WDR19: variants seen among roughly 807,000 people sequenced by gnomAD.
WDR19 encodes the protein WD repeat domain 19.
WDR19 carries 121 observed loss-of-function variants against 180.0 expected under a neutral mutation model. That is an observed-to-expected ratio of 0.67 (90% CI 0.58 to 0.78). The LOEUF (loss-of-function observed/expected upper bound fraction) is 0.78. Ranked by LOEUF, WDR19 falls within the 30% of genes least tolerant of loss-of-function variation. The pLI is 0.00. For synonymous variants in WDR19, 497 were observed against 540.7 expected, an observed-to-expected ratio of 0.92 and a Z score of 1.12; for missense variants, 1,450 against 1,640.7, an observed-to-expected ratio of 0.88 and a Z score of 2.01.
chr4:39,190,409 C>T (rs528878735), intron 4 of WDR19, among the ~76,000 whole-genome samples: 22 of 152,168 alleles, frequency 1.4e-4, no homozygotes, highest in Non-Finnish European at 2.6e-4. Context: ...AAAAGAGAAA[C>T]CAGTTTCCAA....
intron 24 of WDR19, among the ~76,000 whole-genome samples, chr4:39,249,981 C>T (rs1478584563): frequency 6.6e-6 from 1 of 152,172 alleles, no homozygotes; most frequent in Non-Finnish European, 1.5e-5. Context: ...GAGAATCCTC[C>T]CTAACTCATT....
chr4:39,254,828 T>C (rs1733593555), intron 26 of WDR19, among the ~76,000 whole-genome samples: 1 of 152,208 alleles, frequency 6.6e-6, no homozygotes, highest in South Asian at 2.1e-4. Context: ...TTACTTTCTG[T>C]ATCTGTGAAT....
In WDR19 at chr4:39,240,262, T is replaced by C. The variant is rs771036360; in HGVS notation, c.2364-15T>C. On this transcript the variant is annotated splice_polypyrimidine_tract_variant and intron_variant, in intron 20 of 36. Transcript: ENST00000399820. ...ATATTAAAATTATTAAAATTCACTC[T>C]TATTTTTTTTTCAGGGGTGATTATG... 1.5e-4 allele frequency: 199 copies of C among 1,325,546 alleles called. No individual in the cohort carries two copies. Among genetic ancestry groups the C allele is most frequent in the Non-Finnish European group, 1.9e-4 (193 of 1,020,818 alleles). 82.1% of individuals were successfully genotyped at this position (1,325,546 alleles called of 1,614,324 possible). A position where few individuals can be genotyped will look rare whatever the true frequency, so the allele number is the denominator to read the frequency against.
chr4:39,231,271 A>G (rs1730822516), intron 17 of WDR19, among the ~76,000 whole-genome samples: 2 of 145,516 alleles, frequency 1.4e-5, no homozygotes, highest in Non-Finnish European at 3.0e-5. Context: ...AGATCACGCC[A>G]TTGCACTCCA....
intron 29 of WDR19, 142 bp from the exon 30 acceptor site, chr4:39,267,853 G>A (rs775437890): frequency 5.1e-5 from 37 of 732,316 alleles, no homozygotes; most frequent in African/African-American, 8.8e-5. Context: ...ATAAATAAAC[G>A]AATTCTTTAT....
intron 6 of WDR19, among the ~76,000 whole-genome samples, chr4:39,202,757 G>T (rs756978632): frequency 2.0e-5 from 3 of 150,224 alleles, no homozygotes; most frequent in Non-Finnish European, 3.0e-5. Flanking sequence ...TACAGCTTTA[G>T]TCATTTTTAA....
intron 15 of WDR19, among the ~76,000 whole-genome samples, chr4:39,226,579 T>G (rs1730280243): frequency 6.6e-6 from 1 of 152,224 alleles, no homozygotes; most frequent in Non-Finnish European, 1.5e-5. Flanking sequence ...GGAGCCAGAC[T>G]GCCTGGGTTC....
At chr4:39,271,843 T>C (rs188160536) in intron 31 of WDR19, among the ~76,000 whole-genome samples, 78 of 152,358 alleles carry the variant, frequency 5.1e-4, no homozygotes, top group African/African-American at 1.7e-3. Flanking sequence ...TATTCTATAC[T>C]GTACTGCCCA....
Position 39,224,880 on chromosome 4 carries a change from TTA to T in WDR19, c.1480-3_1480-2del. 6.8e-7 allele frequency: 1 copy of T among 1,460,780 alleles called. No individual in the cohort carries two copies. The highest frequency in any genetic ancestry group is 9.1e-7 in the Non-Finnish European group (1 of 1,103,668). The allele number at this position is 1,460,780 out of a possible 1,614,324, so 90.5% of individuals were successfully genotyped here. ...TTCATGGCTGGATTTTTTTTTTTTT[TTA>T]GACTGGTGTCGTTCAGTATTTCTAC... On this transcript the variant is annotated splice_acceptor_variant and splice_polypyrimidine_tract_variant and intron_variant, in intron 14 of 36. Coordinates refer to ENST00000399820, the MANE Select transcript of WDR19 (RefSeq NM_025132.4). LOFTEE classifies it high-confidence loss of function.
intron 7 of WDR19, among the ~76,000 whole-genome samples, chr4:39,204,040 T>C (rs1036830418): frequency 2.6e-5 from 4 of 152,158 alleles, no homozygotes; most frequent in Admixed American, 1.3e-4. Context: ...TTTTACTCTA[T>C]GAGATGTGGT....
In WDR19 at chr4:39,242,781, C is replaced by A. The variant is rs1354691909; in HGVS notation, c.2422-1467C>A. On this transcript the variant is annotated intron_variant, in intron 21 of 36. Transcript: ENST00000399820. ...CTCTTGGGTTCAAGTGATTCTCGTACCTCTCAGCCTCCTGAATAGCTGGGA... is the reference window on the plus strand; with the variant it reads ...CTCTTGGGTTCAAGTGATTCTCGTAACTCTCAGCCTCCTGAATAGCTGGGA... Among the ~76,000 whole-genome samples, 4 of 152,142 alleles carry A rather than the reference C, an allele frequency of 2.6e-5. No individual in the cohort carries two copies. In the East Asian group the frequency reaches 5.8e-4, roughly 22 times the overall value.
chr4:39,214,854 C>T (rs887231593), intron 10 of WDR19, among the ~76,000 whole-genome samples, 183 bp downstream of exon 10: 6 of 151,386 alleles, frequency 4.0e-5, no homozygotes, highest in Admixed American at 1.3e-4. Context: ...CTCACTGCAA[C>T]CTCCACCTCC....
chr4:39,211,140 G>A lies in WDR19; in HGVS notation c.891-3461G>A, dbSNP rs375602411. 2.6e-5 allele frequency among the ~76,000 whole-genome samples: 4 copies of A among 152,064 alleles called. No homozygotes were observed. In the South Asian group the frequency reaches 8.3e-4, roughly 32 times the overall value. ...TGGGAGGTTGAGGCTGCAGTGAGCTGTGATCGTGCCACTGCACCCCAGCCT... is the reference window on the plus strand; with the variant it reads ...TGGGAGGTTGAGGCTGCAGTGAGCTATGATCGTGCCACTGCACCCCAGCCT... On this transcript the variant is annotated intron_variant, in intron 9 of 36. Coordinates refer to ENST00000399820, the MANE Select transcript of WDR19 (RefSeq NM_025132.4).
At position 39,240,308 on chromosome 4, in the gene WDR19, G is replaced by T; in HGVS notation, c.2395G>T (p.Glu799Ter). The T allele has an allele frequency of 7.0e-7, 1 of 1,422,026 alleles. No homozygotes were observed. Among genetic ancestry groups the T allele is most frequent in the South Asian group, 1.7e-5 (1 of 59,104 alleles). 88.1% of individuals were successfully genotyped at this position (1,422,026 alleles called of 1,614,324 possible). Reference protein sequence around the residue: ...GDYVNALAHYEKGITGDNKEH... With the variant: ...GDYVNALAHY ...TTATGTAAATGCTTTGGCTCATTAT[G>T]AGAAAGGAATAACAGGTGATAATAA... The change falls in exon 21 of 37, where the codon GAG becomes TAG. Residue 799 changes from glutamate (E) to a stop codon, truncating the protein, a stop_gained. Transcript: ENST00000399820. LOFTEE classifies it high-confidence loss of function.
intron 26 of WDR19, among the ~76,000 whole-genome samples, chr4:39,255,165 T>C (rs1733626425): frequency 6.6e-6 from 1 of 152,208 alleles, no homozygotes; most frequent in African/African-American, 2.4e-5. Flanking sequence ...ACTACCACCA[T>C]TTCACTAAAG....
intron 21 of WDR19, among the ~76,000 whole-genome samples, chr4:39,240,733 C>T (rs1731852658): frequency 6.6e-6 from 1 of 151,826 alleles, no homozygotes; most frequent in Non-Finnish European, 1.5e-5. Flanking sequence ...GGGCGGATCA[C>T]AAGGTCAGGA....
intron 17 of WDR19, among the ~76,000 whole-genome samples, chr4:39,230,895 C>T (rs527336131): frequency 7.9e-5 from 12 of 152,244 alleles, no homozygotes; most frequent in African/African-American, 2.6e-4. Context: ...AACCAGAGGT[C>T]GGAAAACCTT....
intron 10 of WDR19, 48 bp from the exon 11 acceptor site, chr4:39,215,793 A>C: frequency 1.3e-6 from 2 of 1,519,178 alleles, no homozygotes; most frequent in Non-Finnish European, 1.8e-6. Flanking sequence ...TGCTGCCTGC[A>C]ACTATATATT....
chr4:39,203,112 C>CTTTT (rs553565048), intron 6 of WDR19, among the ~76,000 whole-genome samples: 2 of 135,670 alleles, frequency 1.5e-5, no homozygotes, highest in African/African-American at 2.7e-5. Context: ...CTTTTTCTTT[C>CTTTT]TTTTTTTTTT....
Sources: gnomAD v4.1 joint callset for allele counts (sites outside exome capture counted in the v4.1 genomes callset) on GRCh38, gnomAD v4.1.1 for gene constraint, MANE v1.5 for transcripts, NCBI Gene and HGNC (gene_info 2026-07-23, HGNC 2026-07-21) for gene names.